The following BPTF variants were observed in gnomAD, a reference collection of about 807,000 sequenced individuals.
The protein encoded by BPTF is bromodomain PHD finger transcription factor.
Under a neutral mutation model 292.5 loss-of-function variants are expected in BPTF, and 18 were observed. That is an observed-to-expected ratio of 0.06 (90% CI 0.04 to 0.09). The LOEUF (loss-of-function observed/expected upper bound fraction) is 0.09, where lower values mean the gene tolerates loss of function less well. Ranked by LOEUF, BPTF falls within the 10% of genes least tolerant of loss-of-function variation. The pLI is 1.00. For missense variants in BPTF, 2,726 were observed against 3,498.7 expected, an observed-to-expected ratio of 0.78 and a Z score of 5.57; for synonymous variants, 1,225 against 1,251.9, an observed-to-expected ratio of 0.98 and a Z score of 0.45.
At chr17:67,831,431 G>A (rs2056666277) in intron 1 of BPTF, among the ~76,000 whole-genome samples, 1 of 152,226 alleles carries the variant, frequency 6.6e-6, no homozygotes, top group South Asian at 2.1e-4. Context: ...TTTGTGAGTA[G>A]TAGAGAGGTG....
At chr17:67,927,532 CT>C (rs2064018232) in intron 15 of BPTF, among the ~76,000 whole-genome samples, 1 of 152,126 alleles carries the variant, frequency 6.6e-6, no homozygotes, top group Non-Finnish European at 1.5e-5. Flanking sequence ...GGTTTGCCAA[CT>C]TTAATAATAG....
chr17:67,895,462 A>ATT lies in BPTF; in HGVS notation c.2543+1315_2543+1316dup, dbSNP rs1228953258. Among the ~76,000 whole-genome samples, 38 of 130,984 alleles carry ATT rather than the reference A, an allele frequency of 2.9e-4. 1 individual carries two copies. Among genetic ancestry groups the ATT allele is most frequent in the African/African-American group, 8.2e-4 (29 of 35,196 alleles). The allele number at this position is 130,984 out of a possible 152,430, so 85.9% of individuals were successfully genotyped here. ...TTTCTTTGGTGTTTCCACCACATAC[A>ATT]TTTTTTTTTTTTTTTTTTTGACACA... On this transcript the variant is annotated intron_variant, in intron 7 of 27. Coordinates refer to ENST00000306378, the MANE Select transcript of BPTF (RefSeq NM_182641.4).
intron 13 of BPTF, 93 bp from the exon 14 acceptor site, chr17:67,922,747 G>T: frequency 7.1e-7 from 1 of 1,408,704 alleles, no homozygotes; most frequent in Non-Finnish European, 9.5e-7. Context: ...TATTTAAGAA[G>T]TTTGCCAACC....
intron 18 of BPTF, 73 bp from the exon 19 acceptor site, chr17:67,940,366 G>T: frequency 1.6e-6 from 2 of 1,275,312 alleles, no homozygotes; most frequent in Middle Eastern, 2.3e-4. Context: ...GTTCATGTGA[G>T]GTGTTGAATT....
chr17:67,954,551 G>A (rs2148164015), intron 23 of BPTF, among the ~76,000 whole-genome samples: 1 of 152,196 alleles, frequency 6.6e-6, no homozygotes, highest in African/African-American at 2.4e-5. Flanking sequence ...TTAGTGTTCG[G>A]CCACCTCTTC....
intron 9 of BPTF, among the ~76,000 whole-genome samples, chr17:67,909,036 T>TGTTA (rs1050700837): frequency 2.0e-5 from 3 of 151,522 alleles, no homozygotes; most frequent in Non-Finnish European, 2.9e-5. Context: ...GGTTTCACCA[T>TGTTA]GTTAGCCAGG....
At chr17:67,931,730 C>T (rs1486009636) in intron 17 of BPTF, among the ~76,000 whole-genome samples, 181 bp from the exon 18 acceptor site, 1 of 152,108 alleles carries the variant, frequency 6.6e-6, no homozygotes, top group Non-Finnish European at 1.5e-5. Context: ...AGTTTTCTTT[C>T]CTCAAAATTC....
At chr17:67,923,884 G>C (rs2063645992) in intron 14 of BPTF, among the ~76,000 whole-genome samples, 1 of 151,950 alleles carries the variant, frequency 6.6e-6, no homozygotes, top group Admixed American at 6.6e-5. Flanking sequence ...GTTTCACTCT[G>C]TCCCCCAGGC....
chr17:67,893,509 A>G lies in BPTF; in HGVS notation c.2195A>G (p.Asn732Ser). 6.2e-7 allele frequency: 1 copy of G among 1,614,162 alleles called. No individual in the cohort carries two copies. The highest frequency in any genetic ancestry group is 8.5e-7 in the Non-Finnish European group (1 of 1,180,012). Residue 732 changes from asparagine to serine, a missense_variant, in exon 6 of 28, where the codon AAT (asparagine) becomes AGT (serine). Around this residue, in one of 22 missense-constraint regions of BPTF, gnomAD observed 63 missense variants for 84.1 expected, o/e 0.75. Coordinates refer to ENST00000306378, the MANE Select transcript of BPTF (RefSeq NM_182641.4). ...GTCTACCACAATCAATACTCCACCAATTCATTTGCTTTGAATAAGCACCAG... is the reference window on the plus strand; with the variant it reads ...GTCTACCACAATCAATACTCCACCAGTTCATTTGCTTTGAATAAGCACCAG... The part of the protein sequence containing the change: ...YRVYHNQYST[N>S]SFALNKHQHR...
chr17:67,887,183 G>A (rs1049611490), intron 4 of BPTF, among the ~76,000 whole-genome samples: 4 of 152,034 alleles, frequency 2.6e-5, no homozygotes, highest in African/African-American at 9.7e-5. Context: ...AAAGTATTTC[G>A]TATACAAATT....
At chr17:67,873,825 GT>G (rs1187052343) in intron 3 of BPTF, among the ~76,000 whole-genome samples, 2 of 152,186 alleles carry the variant, frequency 1.3e-5, no homozygotes, top group Non-Finnish European at 2.9e-5. Context: ...CACCCCAATA[GT>G]AACAAACACA....
At chr17:67,929,231 C>A in intron 16 of BPTF, 105 bp from the exon 17 acceptor site, 1 of 1,503,358 alleles carries the variant, frequency 6.7e-7, no homozygotes, top group Admixed American at 2.2e-5. Flanking sequence ...CTATGTAGCC[C>A]ACTATAAAAC....
intron 4 of BPTF, among the ~76,000 whole-genome samples, chr17:67,882,231 G>T (rs1276651834): frequency 6.6e-6 from 1 of 152,034 alleles, no homozygotes; most frequent in Non-Finnish European, 1.5e-5. Context: ...AAGAAGTCCT[G>T]GTTCCTTTTA....
At chr17:67,925,992 C>CTTTTTTTTTTTT (rs60083535) in intron 15 of BPTF, among the ~76,000 whole-genome samples, 2 of 56,622 alleles carry the variant, frequency 3.5e-5, no homozygotes, top group African/African-American at 6.0e-5. Context: ...TAACATATTA[C>CTTTTTTTTTTTT]TTTTTTTTTT....
chr17:67,844,835 C>A (rs1393078170), intron 1 of BPTF, among the ~76,000 whole-genome samples: 1 of 151,968 alleles, frequency 6.6e-6, no homozygotes, highest in African/African-American at 2.4e-5. Context: ...CCTCTGCCTC[C>A]CAGGTTCAAG....
chr17:67,922,918 G>T lies in BPTF; in HGVS notation c.5636G>T (p.Gly1879Val). 1 of 1,614,112 alleles carries T rather than the reference G, an allele frequency of 6.2e-7. No homozygotes were observed. Among genetic ancestry groups the T allele is most frequent in the Non-Finnish European group, 8.5e-7 (1 of 1,180,022 alleles). ...PKRPETPKQT[G>V]PVIIETWVAE... ...AGACCAGAAACGCCCAAGCAAACTG[G>T]CCCTGTTATTATTGAAACCTGGGTA... The change falls in exon 14 of 28, where the codon GGC becomes GTC. Residue 1879 changes from glycine to valine, a missense_variant. Transcript: ENST00000306378.
chr17:67,829,257 T>A (rs1165966886), intron 1 of BPTF, among the ~76,000 whole-genome samples: 1 of 152,108 alleles, frequency 6.6e-6, no homozygotes, highest in African/African-American at 2.4e-5. Flanking sequence ...CATTTTCCTT[T>A]ATTGGCTGTG....
At chr17:67,888,410 A>T (rs533660029) in intron 4 of BPTF, among the ~76,000 whole-genome samples, 23 of 151,922 alleles carry the variant, frequency 1.5e-4, no homozygotes, top group Non-Finnish European at 3.2e-4. Context: ...AACATAGTGA[A>T]ACCCTGTCTC....
At chr17:67,877,467 C>G (rs2060119825) in intron 4 of BPTF, among the ~76,000 whole-genome samples, 1 of 152,194 alleles carries the variant, frequency 6.6e-6, no homozygotes, top group African/African-American at 2.4e-5. Context: ...TTGTTAAAGG[C>G]AGACTAAGAA....
Sources: allele counts gnomAD v4.1 joint callset (sites outside exome capture counted in the v4.1 genomes callset), GRCh38; gene constraint gnomAD v4.1.1; regional missense constraint gnomAD v4.1.1; transcripts MANE v1.5; gene names NCBI Gene and HGNC (gene_info 2026-07-23, HGNC 2026-07-21).